ZNF462: variants seen among roughly 807,000 people sequenced by gnomAD.
ZNF462 encodes zinc finger protein 462.
In ZNF462, 10 loss-of-function variants were observed where a neutral mutation model predicts 201.9. That is an observed-to-expected ratio of 0.05 (90% CI 0.03 to 0.08). ZNF462 has a LOEUF of 0.08. Ranked by LOEUF, ZNF462 falls within the 10% of genes least tolerant of loss-of-function variation. The pLI, the probability that ZNF462 is intolerant of heterozygous loss-of-function variation, is 1.00. For synonymous variants in ZNF462, 1,227 were observed against 1,193.3 expected (o/e 1.03, Z -0.58); for missense variants, 2,523 against 3,168.3 (o/e 0.80, Z 4.89).
chr9:106,861,040 C>T (rs1827052092), upstream of ZNF462, among the ~76,000 whole-genome samples: 1 of 151,966 alleles, frequency 6.6e-6, no homozygotes, highest in African/African-American at 2.4e-5. Flanking sequence ...CTCGCCTTTC[C>T]TCTCCCTCCC....
rs775547663 is a variant in ZNF462, at chr9:106,924,628, C to A, written c.716C>A (p.Ser239Tyr). The part of the protein sequence containing the change: ...LESMVKPLTK[S>Y]RGNFCCEWCS... ...TCTATGGTCAAGCCTTTGACCAAATCTCGAGGCAACTTTTGTTGTGAGTGG... is the reference window on the plus strand; with the variant it reads ...TCTATGGTCAAGCCTTTGACCAAATATCGAGGCAACTTTTGTTGTGAGTGG... The change falls in exon 3 of 13, where the codon TCT becomes TAT. Residue 239 changes from serine (S) to tyrosine (Y), a missense_variant. By Grantham distance (144) the Ser-to-Tyr change is moderately radical. Transcript: ENST00000277225. The surrounding 1 kb of genome is among the most constrained non-coding windows in gnomAD (Gnocchi z 6.2). 6.2e-7 allele frequency: 1 copy of A among 1,614,168 alleles called. No individual in the cohort carries two copies. Among genetic ancestry groups the A allele is most frequent in the Admixed American group, 1.7e-5 (1 of 60,018 alleles).
rs1830135688 is a variant in ZNF462 at position 106,925,049 on chromosome 9, T to C, written c.1137T>C (p.Thr379=). ...CCAATTCTTCTGCTGACCTGGAAACTAACAGCATGCTAAATGACTCTAGTT... is the reference window on the plus strand; with the variant it reads ...CCAATTCTTCTGCTGACCTGGAAACCAACAGCATGCTAAATGACTCTAGTT... ...DMTNSSADLE[T]NSMLNDSSSD... is the part of the protein sequence containing the mutation. The change falls in exon 3 of 13, where the codon ACT becomes ACC. Residue 379 remains threonine, a synonymous_variant. Transcript: ENST00000277225. The surrounding 1 kb of genome is among the most constrained non-coding windows in gnomAD (Gnocchi z 7.9). 2 of 1,614,188 alleles carry C rather than the reference T, an allele frequency of 1.2e-6. No individual in the cohort carries two copies. The highest frequency in any genetic ancestry group is 8.5e-7 in the Non-Finnish European group (1 of 1,180,028).
intron 1 of ZNF462, among the ~76,000 whole-genome samples, chr9:106,901,384 C>A (rs1256831098): frequency 1.3e-5 from 2 of 151,908 alleles, no homozygotes; most frequent in African/African-American, 2.4e-5. Context: ...GCTTAGTCTT[C>A]CTTTGGCTAT....
chr9:106,988,392 C>T (rs1057228827), intron 10 of ZNF462, among the ~76,000 whole-genome samples: 2 of 152,120 alleles, frequency 1.3e-5, no homozygotes, highest in Admixed American at 1.3e-4. Flanking sequence ...CCACCAGACC[C>T]CTCCCACAGT....
rs745791536 is a variant in ZNF462 at position 106,978,144 on chromosome 9, G to A, written c.6832+3871G>A. Among the ~76,000 whole-genome samples, 1 of 151,350 alleles carries A rather than the reference G, an allele frequency of 6.6e-6. No individual in the cohort carries two copies. The highest frequency in any genetic ancestry group is 1.5e-5 in the Non-Finnish European group (1 of 68,018). On this transcript the variant is annotated intron_variant, in intron 9 of 12. Coordinates refer to ENST00000277225, the MANE Select transcript of ZNF462 (RefSeq NM_021224.6). The surrounding 1 kb of genome is among the most constrained non-coding windows in gnomAD (Gnocchi z 4.1). ...TTAGGGCACACCCTAATCTAGTCTG[G>A]CCTTAACTGATTGCCATCTGCAAAG...
Position 106,928,446 on chromosome 9 carries a change from G to A in ZNF462, c.4534G>A (p.Gly1512Ser). Residue 1512 changes from glycine (G) to serine (S), a missense_variant, in exon 3 of 13, where the codon GGT (glycine) becomes AGT (serine). Around this residue, in one of 15 missense-constraint regions of ZNF462, gnomAD observed 200 missense variants for 281.3 expected, o/e 0.71. Transcript: ENST00000277225. This position sits in a 1 kb window ranked among gnomAD's most constrained non-coding sequence, Gnocchi z 9.3. ...TGCCCAGGACATTGACATCAACCCAGGTGCCGTCTACAAATGCAGGCATTG... is the reference window on the plus strand; with the variant it reads ...TGCCCAGGACATTGACATCAACCCAAGTGCCGTCTACAAATGCAGGCATTG... The part of the protein sequence containing the change: ...DFAQDIDINP[G>S]AVYKCRHCPY... 6.2e-7 allele frequency: 1 copy of A among 1,614,134 alleles called. No individual in the cohort carries two copies. The highest frequency in any genetic ancestry group is 1.3e-5 in the African/African-American group (1 of 75,012).
At chr9:106,956,626 T>A (rs1564131178) in intron 7 of ZNF462, among the ~76,000 whole-genome samples, 1 of 152,026 alleles carries the variant, frequency 6.6e-6, no homozygotes, top group African/African-American at 2.4e-5. Flanking sequence ...CTTCTTCCAA[T>A]AAAAGTCTGT....
At position 106,954,543 on chromosome 9, in the gene ZNF462, C is replaced by G. The variant is rs1831492032; in HGVS notation, c.6427+15436C>G. 6.6e-6 allele frequency among the ~76,000 whole-genome samples: 1 copy of G among 151,990 alleles called. No individual in the cohort carries two copies. Among genetic ancestry groups the G allele is most frequent in the Non-Finnish European group, 1.5e-5 (1 of 67,986 alleles). On this transcript the variant is annotated intron_variant, in intron 7 of 12. Transcript: ENST00000277225. The surrounding 1 kb of genome is among the most constrained non-coding windows in gnomAD (Gnocchi z 4.0). ...AAAAAAAAAACTCAGTCAATATTCT[C>G]CATGTTTATACCCAGCCTTTTCTCT...
In ZNF462 at chr9:106,883,729, A is replaced by C. The variant is rs1828201028; in HGVS notation, c.-31+20374A>C. Among the ~76,000 whole-genome samples, 1 of 152,236 alleles carries C rather than the reference A, an allele frequency of 6.6e-6. No individual in the cohort carries two copies. Among genetic ancestry groups the C allele is most frequent in the African/African-American group, 2.4e-5 (1 of 41,454 alleles). ...GAAGTTTGGATGCGGTTCAAAGCTAAGATTGAGGCTCCTTTGGCTTATTTA... is the reference window on the plus strand; with the variant it reads ...GAAGTTTGGATGCGGTTCAAAGCTACGATTGAGGCTCCTTTGGCTTATTTA... On this transcript the variant is annotated intron_variant, in intron 1 of 12. Coordinates refer to ENST00000277225, the MANE Select transcript of ZNF462 (RefSeq NM_021224.6). The surrounding 1 kb of genome is among the most constrained non-coding windows in gnomAD (Gnocchi z 4.9).
chr9:106,997,030 AAT>A (rs1828785947), intron 10 of ZNF462, among the ~76,000 whole-genome samples: 1 of 152,138 alleles, frequency 6.6e-6, no homozygotes, highest in African/African-American at 2.4e-5. Flanking sequence ...GTGCACAACA[AAT>A]ATAGTTTCAT....
In ZNF462 at chr9:106,932,395, C is replaced by T; in HGVS notation, c.6013-51C>T. The T allele has an allele frequency of 3.1e-6, 5 of 1,613,342 alleles. No homozygotes were observed. Among genetic ancestry groups the T allele is most frequent in the Non-Finnish European group, 4.2e-6 (5 of 1,179,686 alleles). On this transcript the variant is annotated intron_variant, in intron 4 of 12. Transcript: ENST00000277225. This position sits in a 1 kb window ranked among gnomAD's most constrained non-coding sequence, Gnocchi z 6.8. Reference sequence around the variant, plus strand: ...TGGAATGTTGGAGGATGAAACCCGGCCGGGGGGATACCATTGCAGTCAATG... The same window carrying T: ...TGGAATGTTGGAGGATGAAACCCGGTCGGGGGGATACCATTGCAGTCAATG...
intron 7 of ZNF462, among the ~76,000 whole-genome samples, chr9:106,957,887 T>C (rs1831652366): frequency 6.6e-6 from 1 of 152,080 alleles, no homozygotes; most frequent in Non-Finnish European, 1.5e-5. Context: ...TCTACATTAT[T>C]ATTAATTTTT....
intron 7 of ZNF462, among the ~76,000 whole-genome samples, chr9:106,940,845 C>T (rs1447526740): frequency 6.6e-6 from 1 of 151,946 alleles, no homozygotes; most frequent in African/African-American, 2.4e-5. Context: ...CCCCTTTTCA[C>T]CTGAAATCTT....
At chr9:106,907,921 A>T (rs962628040) in intron 1 of ZNF462, among the ~76,000 whole-genome samples, 7 of 152,048 alleles carry the variant, frequency 4.6e-5, no homozygotes, top group Admixed American at 1.3e-4. Flanking sequence ...TTTAAAAGTC[A>T]TACTCTACTG....
At chr9:106,971,071 TC>T (rs1447414186) in intron 7 of ZNF462, among the ~76,000 whole-genome samples, 2 of 152,216 alleles carry the variant, frequency 1.3e-5, no homozygotes, top group Non-Finnish European at 2.9e-5. Flanking sequence ...GCTTTAAACA[TC>T]CATTCCAGGA....
chr9:106,973,323 GGAA>G (rs928241297), intron 8 of ZNF462, among the ~76,000 whole-genome samples: 3 of 151,868 alleles, frequency 2.0e-5, no homozygotes, highest in Non-Finnish European at 2.9e-5. Context: ...AAGAAGAATT[GGAA>G]GAAGAAGTCT....
Position 106,927,479 on chromosome 9 carries a change from G to T in ZNF462, c.3567G>T (p.Glu1189Asp). Residue 1189 changes from glutamate (E) to aspartate (D), a missense_variant, in exon 3 of 13, where the codon GAG (glutamate) becomes GAT (aspartate). Glu to Asp is a conservative substitution (Grantham distance 45). Around this residue, in one of 15 missense-constraint regions of ZNF462, gnomAD observed 222 missense variants for 271.6 expected, o/e 0.82. Transcript: ENST00000277225. ...SSSERDGPPVENEMFFCQHCD... is the reference protein window; with the variant it reads ...SSSERDGPPVDNEMFFCQHCD... ...CTGAGAGAGATGGCCCTCCTGTGGA[G>T]AATGAGATGTTCTTTTGCCAGCACT... 2 of 1,613,870 alleles carry T rather than the reference G, an allele frequency of 1.2e-6. No homozygotes were observed. The highest frequency in any genetic ancestry group is 1.7e-6 in the Non-Finnish European group (2 of 1,179,988).
chr9:106,908,999 A>G (rs12686832), intron 1 of ZNF462, among the ~76,000 whole-genome samples: 23,250 of 112,126 alleles, frequency 0.21, 2,542 homozygotes, highest in Middle Eastern at 0.35. Flanking sequence ...GTCTCACTCT[A>G]TCACCCAGAC....
chr9:106,918,042 AT>A (rs1012147923), intron 1 of ZNF462, among the ~76,000 whole-genome samples: 1 of 151,162 alleles, frequency 6.6e-6, no homozygotes, highest in South Asian at 2.1e-4. Context: ...CACCCGGCTA[AT>A]TTTTTTTATT....
Sources: gnomAD v4.1 joint callset for allele counts (sites outside exome capture counted in the v4.1 genomes callset) on GRCh38, gnomAD v4.1.1 for gene constraint, gnomAD v4.1.1 regional missense constraint, Gnocchi (gnomAD v3.1) non-coding constraint, MANE v1.5 for transcripts, NCBI Gene and HGNC (gene_info 2026-07-23, HGNC 2026-07-21) for gene names.